ACTL7B: variants seen among roughly 807,000 people sequenced by gnomAD.
The protein encoded by ACTL7B is actin like 7B, also known as actin-like protein 7B.
A neutral mutation model predicts 17.5 loss-of-function variants in ACTL7B; 14 were observed. The observed-to-expected ratio is 0.80, with a 90% CI of 0.53 to 1.25. The LOEUF (loss-of-function observed/expected upper bound fraction) is 1.25, where lower values mean the gene tolerates loss of function less well. Ranked by LOEUF, ACTL7B falls within the 50% of genes most tolerant of loss-of-function variation. The pLI is 0.00. For synonymous variants in ACTL7B, 267 were observed against 252.4 expected (o/e 1.06, Z -0.55); for missense variants, 599 against 573.9 (o/e 1.04, Z -0.45).
At position 108,854,817 on chromosome 9, in the gene ACTL7B, CAG is replaced by C; in HGVS notation, c.1112_1113del (p.Ala371GlyfsTer4). ...LLCPGDSPAV[A>X]AAPERKTSVW... The stretch of plus-strand genomic sequence containing the variant: ...ACGGAGGTCTTCCTCTCAGGAGCGG[CAG>C]CCACTGCAGGGCTGTCCCCGGGGCA... On this transcript the variant is annotated frameshift_variant, in exon 1 of 1. Coordinates refer to ENST00000374667, the MANE Select transcript of ACTL7B (RefSeq NM_006686.4). LOFTEE classifies it high-confidence loss of function. The C allele has an allele frequency of 6.2e-7, 1 of 1,603,918 alleles. No individual in the cohort carries two copies. Among genetic ancestry groups the C allele is most frequent in the Non-Finnish European group, 8.5e-7 (1 of 1,174,478 alleles).
chr9:108,854,752 G>GT lies in ACTL7B; in HGVS notation c.1178_1179insA (p.Phe393LeufsTer12), dbSNP rs1197474509. ...CTTCCTTGCTGACCCAGAGCTGTTG[G>GT]AAGGCCTGCAGGGAGGCCAGGATGG... On this transcript the variant is annotated frameshift_variant, in exon 1 of 1. Transcript: ENST00000374667. LOFTEE classifies it high-confidence loss of function. 6.4e-7 allele frequency: 1 copy of GT among 1,569,132 alleles called. No homozygotes were observed. The highest frequency in any genetic ancestry group is 1.9e-5 in the Admixed American group (1 of 52,566).
In ACTL7B at chr9:108,854,600, C is replaced by A. The variant is rs1028652271; in HGVS notation, c.*83G>T. 4 of 1,313,852 alleles carry A rather than the reference C, an allele frequency of 3.0e-6. No individual in the cohort carries two copies. In the African/African-American group the frequency reaches 4.5e-5, roughly 15 times the overall value. 81.4% of individuals were successfully genotyped at this position (1,313,852 alleles called of 1,614,324 possible). A position where few individuals can be genotyped will look rare whatever the true frequency, so the allele number is the denominator to read the frequency against. On this transcript the variant is annotated 3_prime_UTR_variant, in exon 1 of 1. Coordinates refer to ENST00000374667, the MANE Select transcript of ACTL7B (RefSeq NM_006686.4). ...TAGACAAGAGCCATTTCAGAGTAAA[C>A]CTTTATGTGAAATTCTGTAAATGTG...
At position 108,854,911 on chromosome 9, in the gene ACTL7B, T is replaced by A. The variant is rs144957786; in HGVS notation, c.1020A>T (p.Leu340=). The change falls in exon 1 of 1, where the codon CTA becomes CTT. Residue 340 remains leucine, a synonymous_variant. Transcript: ENST00000374667. ...GFKEEMAANV[L]LCGGCTMLDG... The stretch of plus-strand genomic sequence containing the variant: ...CCAGCATAGTGCAGCCGCCACACAG[T>A]AGCACGTTGGCGGCCATCTCCTCCT... 19 of 1,517,748 alleles carry A rather than the reference T, an allele frequency of 1.3e-5. No homozygotes were observed. In the African/African-American group the frequency reaches 2.1e-4, roughly 17 times the overall value. The allele number at this position is 1,517,748 out of a possible 1,614,324, so 94.0% of individuals were successfully genotyped here.
rs780482445 is a variant in ACTL7B at position 108,855,524 on chromosome 9, G to C, written c.407C>G (p.Thr136Ser). 8 of 1,613,450 alleles carry C rather than the reference G, an allele frequency of 5.0e-6. No individual in the cohort carries two copies. The African/African-American group carries it at 6.7e-5, about 13-fold the overall frequency. Residue 136 changes from threonine (T) to serine (S), a missense_variant, in exon 1 of 1, where the codon ACC becomes AGC. By Grantham distance (58) the Thr-to-Ser change is moderately conservative (BLOSUM62 1). Transcript: ENST00000374667. ...CTCCTCGGGGAGGATCTTCATGGCG[G>C]TGCGGAAGATGTACTCCCAGATGTC... Reference protein sequence around the residue: ...VQDIWEYIFRTAMKILPEEHA... With the variant: ...VQDIWEYIFRSAMKILPEEHA...
At position 108,854,845 on chromosome 9, in the gene ACTL7B, G is replaced by GAAA; in HGVS notation, c.1085_1086insTTT (p.Leu362_Cys363insPhe). 1 of 1,582,336 alleles carries GAAA rather than the reference G, an allele frequency of 6.3e-7. No individual in the cohort carries two copies. The highest frequency in any genetic ancestry group is 1.4e-5 in the African/African-American group (1 of 73,980). ...CCACTGCAGGGCTGTCCCCGGGGCA[G>GAAA]AGGAGGCTCAGCTCCCTCTGGAAGC... On this transcript the variant is annotated inframe_insertion, in exon 1 of 1. Coordinates refer to ENST00000374667, the MANE Select transcript of ACTL7B (RefSeq NM_006686.4).
rs764944762 is a variant in ACTL7B, at chr9:108,855,414, T to C, written c.517A>G (p.Ile173Val). 6.2e-7 allele frequency: 1 copy of C among 1,613,308 alleles called. No homozygotes were observed. The highest frequency in any genetic ancestry group is 8.5e-7 in the Non-Finnish European group (1 of 1,179,924). ...TGGGACGTCACGTGCATGGCTGGGA[T>C]GCCGAAGGTCTCAAACATGAGCTCC... ...YAELMFETFGIPAMHVTSQSL... is the reference protein window; with the variant it reads ...YAELMFETFGVPAMHVTSQSL... The change falls in exon 1 of 1, where the codon ATC becomes GTC. Residue 173 changes from isoleucine (I) to valine (V), a missense_variant. By Grantham distance (29) the Ile-to-Val change is conservative. Transcript: ENST00000374667.
In ACTL7B at chr9:108,855,426, C is replaced by A; in HGVS notation, c.505G>T (p.Glu169Ter). ...TGCATGGCTGGGATGCCGAAGGTCT[C>A]AAACATGAGCTCCGCGTACTTCTCC... is the stretch of plus-strand genomic sequence containing the variant. Reference protein sequence around the residue: ...NREKYAELMFETFGIPAMHVT... With the variant: ...NREKYAELMF The change falls in exon 1 of 1, where the codon GAG becomes TAG. Residue 169 changes from glutamate (E) to a stop codon, truncating the protein, a stop_gained. Coordinates refer to ENST00000374667, the MANE Select transcript of ACTL7B (RefSeq NM_006686.4). LOFTEE classifies it high-confidence loss of function. 6.2e-7 allele frequency: 1 copy of A among 1,613,286 alleles called. No homozygotes were observed. Among genetic ancestry groups the A allele is most frequent in the Non-Finnish European group, 8.5e-7 (1 of 1,179,904 alleles).
chr9:108,855,908 A>T lies in ACTL7B; in HGVS notation c.23T>A (p.Met8Lys), dbSNP rs1178197890. 2.5e-6 allele frequency: 4 copies of T among 1,598,502 alleles called. No homozygotes were observed. In the South Asian group the frequency reaches 4.5e-5, roughly 18 times the overall value. Residue 8 changes from methionine (M) to lysine (K), a missense_variant, in exon 1 of 1, where the codon ATG (methionine) becomes AAG (lysine). Met to Lys is a moderately conservative substitution (Grantham distance 95). Coordinates refer to ENST00000374667, the MANE Select transcript of ACTL7B (RefSeq NM_006686.4). ...GTCACCCTGAGCCGTGCCCAGGGGCATGGGGCTGTTCCTTGTCGCCATCTG... is the reference window on the plus strand; with the variant it reads ...GTCACCCTGAGCCGTGCCCAGGGGCTTGGGGCTGTTCCTTGTCGCCATCTG... MATRNSP[M>K]PLGTAQGDPG...
rs11543181 is a variant in ACTL7B, at chr9:108,855,675, C to T, written c.256G>A (p.Ala86Thr). The change falls in exon 1 of 1, where the codon GCG becomes ACG. Residue 86 changes from alanine to threonine, a missense_variant. By Grantham distance (58) the Ala-to-Thr change is moderately conservative. Coordinates refer to ENST00000374667, the MANE Select transcript of ACTL7B (RefSeq NM_006686.4). The stretch of plus-strand genomic sequence containing the variant: ...TTGCGGGTGTCGCCAGCGTCGGCCG[C>T]CTCGGGGCAGCGTTTGCCCACGGTG... ...SSTVGKRCPE[A>T]ADAGDTRKWT... is the part of the protein sequence containing the mutation. 4.3e-6 allele frequency: 7 copies of T among 1,612,318 alleles called. No individual in the cohort carries two copies. In the Admixed American group the frequency reaches 1.0e-4, roughly 23 times the overall value.
In ACTL7B at chr9:108,854,936, T is replaced by A. The variant is rs1827070498; in HGVS notation, c.995A>T (p.Lys332Met). The A allele has an allele frequency of 6.6e-7, 1 of 1,516,172 alleles. No homozygotes were observed. The highest frequency in any genetic ancestry group is 2.2e-5 in the Admixed American group (1 of 44,890). The allele number at this position is 1,516,172 out of a possible 1,614,324, so 93.9% of individuals were successfully genotyped here. ...CLGRCQDTGF[K>M]EEMAANVLLC... Reference sequence around the variant, plus strand: ...TAGCACGTTGGCGGCCATCTCCTCCTTGAAGCCCGTGTCCTGGCAGCGGCC... The same window carrying A: ...TAGCACGTTGGCGGCCATCTCCTCCATGAAGCCCGTGTCCTGGCAGCGGCC... The change falls in exon 1 of 1, where the codon AAG (lysine) becomes ATG (methionine). Residue 332 changes from lysine (K) to methionine (M), a missense_variant. Physicochemically the swap from Lys to Met is moderately conservative, Grantham distance 95 (BLOSUM62 -1). Transcript: ENST00000374667.
At position 108,855,149 on chromosome 9, in the gene ACTL7B, T is replaced by G; in HGVS notation, c.782A>C (p.Tyr261Ser). The G allele has an allele frequency of 6.2e-7, 1 of 1,611,300 alleles. No individual in the cohort carries two copies. The highest frequency in any genetic ancestry group is 8.5e-7 in the Non-Finnish European group (1 of 1,179,270). The change falls in exon 1 of 1, where the codon TAT (tyrosine) becomes TCT (serine). Residue 261 changes from tyrosine (Y) to serine (S), a missense_variant. Coordinates refer to ENST00000374667, the MANE Select transcript of ACTL7B (RefSeq NM_006686.4). ...CTCCTCCTCGGGCAGGAAGGCCGCA[T>G]AGCAGCACTTCTTCTTGATGTGCTC... ...IIEHIKKKCC[Y>S]AAFLPEEELG... is the part of the protein sequence containing the mutation.
chr9:108,854,608 T>G lies in ACTL7B; in HGVS notation c.*75A>C. The G allele has an allele frequency of 4.1e-5, 55 of 1,342,016 alleles. No individual in the cohort carries two copies. Among genetic ancestry groups the G allele is most frequent in the Non-Finnish European group, 5.0e-5 (52 of 1,035,574 alleles). The allele number at this position is 1,342,016 out of a possible 1,614,324, so 83.1% of individuals were successfully genotyped here. On this transcript the variant is annotated 3_prime_UTR_variant, in exon 1 of 1. Coordinates refer to ENST00000374667, the MANE Select transcript of ACTL7B (RefSeq NM_006686.4). ...AGCCATTTCAGAGTAAACCTTTATG[T>G]GAAATTCTGTAAATGTGTATAGAGA...
Position 108,855,242 on chromosome 9 carries a change from G to A in ACTL7B, c.689C>T (p.Thr230Ile), listed in dbSNP as rs759913792. ...ATTGAGCAGCTGCATCAGGTAGTTGGTGAGGTCACCCCCAGCGTAGTCGGC... is the reference window on the plus strand; with the variant it reads ...ATTGAGCAGCTGCATCAGGTAGTTGATGAGGTCACCCCCAGCGTAGTCGGC... ...SRADYAGGDL[T>I]NYLMQLLNEA... The change falls in exon 1 of 1, where the codon ACC becomes ATC. Residue 230 changes from threonine to isoleucine, a missense_variant. Thr to Ile is a moderately conservative substitution (Grantham distance 89). Transcript: ENST00000374667. 2 of 1,595,022 alleles carry A rather than the reference G, an allele frequency of 1.3e-6. No homozygotes were observed. The highest frequency in any genetic ancestry group is 3.3e-4 in the Middle Eastern group (2 of 6,036).
At position 108,855,161 on chromosome 9, in the gene ACTL7B, T is replaced by A. The variant is rs1218296068; in HGVS notation, c.770A>T (p.Lys257Met). ...DHLHIIEHIK[K>M]KCCYAAFLPE... ...CAGGAAGGCCGCATAGCAGCACTTCTTCTTGATGTGCTCTATGATGTGCAG... is the reference window on the plus strand; with the variant it reads ...CAGGAAGGCCGCATAGCAGCACTTCATCTTGATGTGCTCTATGATGTGCAG... The change falls in exon 1 of 1, where the codon AAG becomes ATG. Residue 257 changes from lysine (K) to methionine (M), a missense_variant. Lys to Met is a moderately conservative substitution (Grantham distance 95, BLOSUM62 -1). Transcript: ENST00000374667. The A allele has an allele frequency of 6.8e-6, 11 of 1,610,410 alleles. No individual in the cohort carries two copies. Among genetic ancestry groups the A allele is most frequent in the Non-Finnish European group, 9.3e-6 (11 of 1,179,396 alleles).
rs1827089748 is a variant in ACTL7B at position 108,855,595 on chromosome 9, C to T, written c.336G>A (p.Val112=). 3.1e-6 allele frequency: 5 copies of T among 1,613,800 alleles called. No individual in the cohort carries two copies. In the South Asian group the frequency reaches 5.5e-5, roughly 18 times the overall value. Residue 112 remains valine (V), a synonymous_variant, in exon 1 of 1, where the codon GTG becomes GTA. Transcript: ENST00000374667. ...CCACGATGCCGTGCTTCAGCGGGTTCACCAGCTTGAGAGGCGCCTCCGTGT... is the reference window on the plus strand; with the variant it reads ...CCACGATGCCGTGCTTCAGCGGGTTTACCAGCTTGAGAGGCGCCTCCGTGT... ...LLNTEAPLKL[V]NPLKHGIVVD...
rs147678961 is a variant in ACTL7B, at chr9:108,855,544, G to C, written c.387C>G (p.Ile129Met). The change falls in exon 1 of 1, where the codon ATC becomes ATG. Residue 129 changes from isoleucine (I) to methionine (M), a missense_variant. Physicochemically the swap from Ile to Met is conservative, Grantham distance 10. Transcript: ENST00000374667. ...IVVDWDCVQD[I>M]WEYIFRTAMK... is the part of the protein sequence containing the mutation. ...TGGCGGTGCGGAAGATGTACTCCCA[G>C]ATGTCCTGCACGCAGTCCCAGTCCA... 1,371 of 1,613,712 alleles carry C rather than the reference G, an allele frequency of 8.5e-4. 3 individuals are homozygous for C. Among genetic ancestry groups the C allele is most frequent in the Non-Finnish European group, 1.1e-3 (1,265 of 1,180,038 alleles).
rs369622245 is a variant in ACTL7B at position 108,855,110 on chromosome 9, G to C, written c.821C>G (p.Pro274Arg). Residue 274 changes from proline (P) to arginine (R), a missense_variant, in exon 1 of 1, where the codon CCG (proline) becomes CGG (arginine). Pro to Arg is a moderately radical substitution (Grantham distance 103, BLOSUM62 -2). Transcript: ENST00000374667. ...FLPEEELGLV[P>R]EELRVDYELP... ...CTCGTAGTCCACGCGCAGCTCCTCC[G>C]GGACCAGGCCCAGCTCCTCCTCGGG... 3.1e-6 allele frequency: 5 copies of C among 1,604,430 alleles called. No individual in the cohort carries two copies. The highest frequency in any genetic ancestry group is 2.7e-5 in the African/African-American group (2 of 74,804).
rs1367089921 is a variant in ACTL7B, at chr9:108,855,423, T to A, written c.508A>T (p.Thr170Ser). ...ACGTGCATGGCTGGGATGCCGAAGG[T>A]CTCAAACATGAGCTCCGCGTACTTC... Reference protein sequence around the residue: ...REKYAELMFETFGIPAMHVTS... With the variant: ...REKYAELMFESFGIPAMHVTS... The change falls in exon 1 of 1, where the codon ACC (threonine) becomes TCC (serine). Residue 170 changes from threonine (T) to serine (S), a missense_variant. Physicochemically the swap from Thr to Ser is moderately conservative, Grantham distance 58. Transcript: ENST00000374667. 6.2e-7 allele frequency: 1 copy of A among 1,613,094 alleles called. No individual in the cohort carries two copies. The highest frequency in any genetic ancestry group is 8.5e-7 in the Non-Finnish European group (1 of 1,179,888).
chr9:108,855,286 C>T lies in ACTL7B; in HGVS notation c.645G>A (p.Leu215=). The T allele has an allele frequency of 2.5e-6, 4 of 1,599,408 alleles. No homozygotes were observed. The highest frequency in any genetic ancestry group is 3.4e-6 in the Non-Finnish European group (4 of 1,178,792). ...AGTCGGCGCGGCTGGTCAGGCCCGG[C>T]AGCACGTCGCCCTCGGATATGGGCA... ...HVVPISEGDV[L]PGLTSRADYA... Residue 215 remains leucine (L), a synonymous_variant, in exon 1 of 1, where the codon CTG becomes CTA. Coordinates refer to ENST00000374667, the MANE Select transcript of ACTL7B (RefSeq NM_006686.4).
Sources: gnomAD v4.1 joint callset for allele counts on GRCh38, gnomAD v4.1.1 for gene constraint, MANE v1.5 for transcripts, NCBI Gene and HGNC (gene_info 2026-07-23, HGNC 2026-07-21) for gene names.